LARS2: variants seen among roughly 807,000 people sequenced by gnomAD.
The protein encoded by LARS2 is leucyl-tRNA synthetase 2, mitochondrial, also known as leucine--tRNA ligase, mitochondrial.
A neutral mutation model predicts 116.6 loss-of-function variants in LARS2; 81 were observed. The ratio of observed to expected loss-of-function variants is 0.69; its 90% CI spans 0.58 to 0.84. The LOEUF is 0.84. Among genes scored for constraint, LARS2 ranks in the 40% least tolerant of loss-of-function variants. The pLI, the probability that LARS2 is intolerant of heterozygous loss-of-function variation, is 0.00. For missense variants in LARS2, 968 were observed against 1,114.5 expected (o/e 0.87, Z 1.87); for synonymous variants, 396 against 407.2 (o/e 0.97, Z 0.33).
chr3:45,467,425 A>C (rs1699442455), intron 8 of LARS2, among the ~76,000 whole-genome samples: 1 of 152,250 alleles, frequency 6.6e-6, no homozygotes, highest in African/African-American at 2.4e-5. Flanking sequence ...GAGACAGTAG[A>C]GCTGTAATAA....
chr3:45,517,859 A>G, intron 17 of LARS2, 44 bp from the exon 18 acceptor site: 8 of 1,535,780 alleles, frequency 5.2e-6, no homozygotes, highest in Non-Finnish European at 7.1e-6. Context: ...AATCACCCTT[A>G]TGTTGCACGC....
At chr3:45,543,810 A>G (rs139143945) in intron 21 of LARS2, among the ~76,000 whole-genome samples, 3 of 152,364 alleles carry the variant, frequency 2.0e-5, no homozygotes, top group Admixed American at 1.3e-4. Flanking sequence ...TGAGAAATAA[A>G]TAGCTCATGC....
intron 8 of LARS2, among the ~76,000 whole-genome samples, chr3:45,468,056 C>T (rs1397834114): frequency 1.3e-5 from 2 of 151,930 alleles, no homozygotes; most frequent in African/African-American, 2.4e-5. Context: ...CCGAGATCAC[C>T]CCACTGCACT....
At chr3:45,524,232 C>T (rs1035623833) in intron 20 of LARS2, 124 bp downstream of exon 20, 1 of 644,168 alleles carries the variant, frequency 1.6e-6, no homozygotes, top group East Asian at 2.7e-5. Flanking sequence ...CATCTATACT[C>T]AGCAACCTCT....
intron 20 of LARS2, 76 bp downstream of exon 20, chr3:45,524,184 G>A: frequency 2.2e-6 from 2 of 928,540 alleles, no homozygotes; most frequent in Non-Finnish European, 3.5e-6. Context: ...ACATCATTCG[G>A]GACTCAGATG....
intron 20 of LARS2, among the ~76,000 whole-genome samples, chr3:45,539,988 G>A (rs1001029413): frequency 6.6e-6 from 1 of 151,820 alleles, no homozygotes; most frequent in Admixed American, 6.6e-5. Context: ...ATGCTATCTG[G>A]GGTTGGGTGC....
At chr3:45,422,753 C>T (rs1276929170) in intron 6 of LARS2, among the ~76,000 whole-genome samples, 1 of 152,128 alleles carries the variant, frequency 6.6e-6, no homozygotes, top group Non-Finnish European at 1.5e-5. Flanking sequence ...CTGATATTAG[C>T]AATGCCATCT....
chr3:45,414,765 C>G (rs1698388222), intron 4 of LARS2, among the ~76,000 whole-genome samples: 1 of 152,008 alleles, frequency 6.6e-6, no homozygotes, highest in African/African-American at 2.4e-5. Context: ...AAAACTTACC[C>G]CAGGTTGACA....
At chr3:45,403,113 A>C (rs1196924472) in intron 4 of LARS2, among the ~76,000 whole-genome samples, 1 of 27,126 alleles carries the variant, frequency 3.7e-5, no homozygotes, top group African/African-American at 9.0e-5. Flanking sequence ...CTCCAAAGAC[A>C]AAAAAAAAAA....
rs770654823 is a variant in LARS2 at position 45,523,952 on chromosome 3, T to G, written c.2293-45T>G. ...ATTAATGGTCTTTCTTACCCGTGCT[T>G]ATTTTTACACCTCAGTCTTCTTACT... On this transcript the variant is annotated intron_variant, in intron 19 of 21. Coordinates refer to ENST00000645846, the MANE Select transcript of LARS2 (RefSeq NM_015340.4). 3.5e-6 allele frequency: 5 copies of G among 1,432,272 alleles called. No homozygotes were observed. In the South Asian group the frequency reaches 5.7e-5, roughly 16 times the overall value. 88.7% of individuals were successfully genotyped at this position (1,432,272 alleles called of 1,614,324 possible).
intron 10 of LARS2, among the ~76,000 whole-genome samples, chr3:45,477,153 C>T (rs1699627907): frequency 6.6e-6 from 1 of 152,154 alleles, no homozygotes; most frequent in Admixed American, 6.5e-5. Context: ...ATCAAGCTGA[C>T]CTAGAATCGG....
At chr3:45,403,932 C>T (rs1236087873) in intron 4 of LARS2, among the ~76,000 whole-genome samples, 1 of 152,162 alleles carries the variant, frequency 6.6e-6, no homozygotes, top group Admixed American at 6.5e-5. Flanking sequence ...ATACTTTATT[C>T]CTCACAGGGT....
chr3:45,415,876 T>TATAG (rs1414628422), intron 4 of LARS2, among the ~76,000 whole-genome samples: 10 of 69,028 alleles, frequency 1.4e-4, no homozygotes, highest in Non-Finnish European at 3.9e-5. Flanking sequence ...TATATATATA[T>TATAG]AGAGAGAGAG....
intron 20 of LARS2, among the ~76,000 whole-genome samples, chr3:45,541,178 T>G (rs542289538): frequency 6.6e-6 from 1 of 152,260 alleles, no homozygotes; most frequent in East Asian, 1.9e-4. Context: ...GTGCCACCTC[T>G]TCTTGGGGGC....
At chr3:45,419,335 A>G (rs931709899) in intron 5 of LARS2, among the ~76,000 whole-genome samples, 7 of 152,224 alleles carry the variant, frequency 4.6e-5, no homozygotes, top group Admixed American at 3.9e-4. Context: ...TATGGCTTAA[A>G]TGCTTGCAGA....
intron 7 of LARS2, 112 bp downstream of exon 7, chr3:45,447,092 G>A (rs958587702): frequency 9.7e-6 from 6 of 619,628 alleles, no homozygotes; most frequent in Non-Finnish European, 1.7e-5. Flanking sequence ...AGTCACAGCA[G>A]ACCCAGAACG....
rs369943990 is a variant in LARS2, at chr3:45,454,092, G to A, written c.607-4651G>A. Among the ~76,000 whole-genome samples the A allele has an allele frequency of 2.3e-4, 35 of 152,266 alleles. 2 individuals carry two copies. Among genetic ancestry groups the A allele is most frequent in the African/African-American group, 8.2e-4 (34 of 41,546 alleles). On this transcript the variant is annotated intron_variant, in intron 7 of 21. Coordinates refer to ENST00000645846, the MANE Select transcript of LARS2 (RefSeq NM_015340.4). ...GGTAATGATGAGATGAGAGGCGTGA[G>A]GGTTTGGAACAGTAGGGCTGGCTGG...
chr3:45,432,332 C>G (rs182670458), intron 6 of LARS2, among the ~76,000 whole-genome samples: 1 of 152,236 alleles, frequency 6.6e-6, no homozygotes, highest in Admixed American at 6.5e-5. Context: ...GAACACTCTA[C>G]ATGACAACAG....
intron 13 of LARS2, among the ~76,000 whole-genome samples, chr3:45,495,934 A>G (rs1700003728): frequency 6.6e-6 from 1 of 151,734 alleles, no homozygotes; most frequent in African/African-American, 2.4e-5. Flanking sequence ...ATCTTGGCTC[A>G]CTGCAACCTC....
Sources: allele counts gnomAD v4.1 joint callset (sites outside exome capture counted in the v4.1 genomes callset), GRCh38; gene constraint gnomAD v4.1.1; transcripts MANE v1.5; gene names NCBI Gene and HGNC (gene_info 2026-07-23, HGNC 2026-07-21).